OR5AS1: variants seen among roughly 807,000 people sequenced by gnomAD.
OR5AS1 encodes olfactory receptor family 5 subfamily AS member 1.
For missense variants in OR5AS1, 492 were observed against 378.2 expected (o/e 1.30, Z -2.50); for synonymous variants, 196 against 141.7 (o/e 1.38, Z -2.72).
intron 1 of OR5AS1, 92 bp from the exon 2 acceptor site, chr11:56,030,299 T>G: frequency 5.9e-6 from 3 of 506,468 alleles, no homozygotes; most frequent in Non-Finnish European, 1.0e-5. Context: ...GTGATTTTAC[T>G]GACCTTCTAT....
intron 1 of OR5AS1, among the ~76,000 whole-genome samples, chr11:56,028,176 T>C (rs1195463627): frequency 2.6e-5 from 4 of 151,996 alleles, no homozygotes; most frequent in South Asian, 2.1e-4. Flanking sequence ...ATAATCATAA[T>C]AGCATTAATA....
chr11:56,031,517 A>C lies in OR5AS1; in HGVS notation c.*124A>C. On this transcript the variant is annotated 3_prime_UTR_variant, in exon 2 of 2. Coordinates refer to ENST00000641320, the MANE Select transcript of OR5AS1 (RefSeq NM_001001921.2). ...TATACTCAGTGCATTAAAATGCTTC[A>C]TCCTCTCTTCCAAAAATGTTCTCTC... The C allele has an allele frequency of 1.4e-6, 1 of 691,942 alleles. No individual in the cohort carries two copies. Among genetic ancestry groups the C allele is most frequent in the East Asian group, 2.6e-5 (1 of 39,140 alleles). The allele number at this position is 691,942 out of a possible 1,614,324, so 42.9% of individuals were successfully genotyped here. A position where few individuals can be genotyped will look rare whatever the true frequency, so the allele number is the denominator to read the frequency against.
rs1477973928 is a variant in OR5AS1 at position 56,030,646 on chromosome 11, A to C, written c.228A>C (p.Ala76=). The change falls in exon 2 of 2, where the codon GCA becomes GCC. Residue 76 remains alanine, a synonymous_variant. Coordinates refer to ENST00000641320, the MANE Select transcript of OR5AS1 (RefSeq NM_001001921.2). ...LSFLDISCST[A]ITPKMLANFL... ...TCTTAGACATCAGCTGTTCTACAGC[A>C]ATCACTCCTAAAATGCTGGCAAACT... 6.4e-7 allele frequency: 1 copy of C among 1,573,196 alleles called. No individual in the cohort carries two copies. Among genetic ancestry groups the C allele is most frequent in the South Asian group, 1.2e-5 (1 of 84,558 alleles).
rs1459205811 is a variant in OR5AS1 at position 56,038,122 on chromosome 11, A to G, written c.*6729A>G. On this transcript the variant is annotated 3_prime_UTR_variant, in exon 2 of 2. Coordinates refer to ENST00000641320, the MANE Select transcript of OR5AS1 (RefSeq NM_001001921.2). ...TATATCTTATACAAAAATTAACTCA[A>G]GATGGATTAAAGACTTAAACATAAA... The G allele has an allele frequency of 6.6e-6, 1 of 152,192 alleles. No homozygotes were observed. The highest frequency in any genetic ancestry group is 2.4e-5 in the African/African-American group (1 of 41,412). The allele number at this position is 152,192 out of a possible 1,614,324, so 9.4% of individuals were successfully genotyped here. A position where few individuals can be genotyped will look rare whatever the true frequency, so the allele number is the denominator to read the frequency against.
chr11:56,029,977 T>A (rs1853330700), intron 1 of OR5AS1, among the ~76,000 whole-genome samples: 1 of 152,098 alleles, frequency 6.6e-6, no homozygotes, highest in Admixed American at 6.5e-5. Flanking sequence ...GGACATTCTT[T>A]CATATTTTAT....
chr11:56,031,656 A>G lies in OR5AS1; in HGVS notation c.*263A>G. The G allele has an allele frequency of 3.8e-6, 1 of 262,388 alleles. No homozygotes were observed. Among genetic ancestry groups the G allele is most frequent in the Non-Finnish European group, 7.3e-6 (1 of 137,056 alleles). The allele number at this position is 262,388 out of a possible 1,614,324, so 16.3% of individuals were successfully genotyped here. On this transcript the variant is annotated 3_prime_UTR_variant, in exon 2 of 2. Transcript: ENST00000641320. ...TCTGTTCTTTACGATGTTGTATTGAAGGTAAATATTGACTTTTCAGTCAAT... is the reference window on the plus strand; with the variant it reads ...TCTGTTCTTTACGATGTTGTATTGAGGGTAAATATTGACTTTTCAGTCAAT...
At position 56,030,519 on chromosome 11, in the gene OR5AS1, T is replaced by C; in HGVS notation, c.101T>C (p.Val34Ala). ...RVTLFLVFLL[V>A]YTLTMVGNIL... ...ACACTGTTCTTGGTATTCCTTCTGG[T>C]ATATACATTAACTATGGTCGGAAAT... is the stretch of plus-strand genomic sequence containing the variant. Residue 34 changes from valine (V) to alanine (A), a missense_variant, in exon 2 of 2, where the codon GTA (valine) becomes GCA (alanine). Coordinates refer to ENST00000641320, the MANE Select transcript of OR5AS1 (RefSeq NM_001001921.2). 2 of 1,551,842 alleles carry C rather than the reference T, an allele frequency of 1.3e-6. No homozygotes were observed. Among genetic ancestry groups the C allele is most frequent in the Non-Finnish European group, 8.7e-7 (1 of 1,146,092 alleles).
chr11:56,030,941 A>G lies in OR5AS1; in HGVS notation c.523A>G (p.Asn175Asp). 1 of 1,614,136 alleles carries G rather than the reference A, an allele frequency of 6.2e-7. No individual in the cohort carries two copies. The highest frequency in any genetic ancestry group is 8.5e-7 in the Non-Finnish European group (1 of 1,180,012). The change falls in exon 2 of 2, where the codon AAT (asparagine) becomes GAT (aspartate). Residue 175 changes from asparagine to aspartate, a missense_variant. By Grantham distance (23) the Asn-to-Asp change is conservative (BLOSUM62 1). Transcript: ENST00000641320. ...GTCATTTTGTGGCTCCAATATCGTC[A>G]ATCATTTTTTCTGTGATATCCCACC... ...RLSFCGSNIV[N>D]HFFCDIPPLL...
chr11:56,030,691 C>G lies in OR5AS1; in HGVS notation c.273C>G (p.Ser91Arg). ...CAAACTTCTTGGCATCCAGGAAAAG[C>G]ATCTCTCCTTATGGGTGTGCACTAC... ...MLANFLASRK[S>R]ISPYGCALQM... The change falls in exon 2 of 2, where the codon AGC becomes AGG. Residue 91 changes from serine (S) to arginine (R), a missense_variant. Transcript: ENST00000641320. 1 of 1,596,148 alleles carries G rather than the reference C, an allele frequency of 6.3e-7. No homozygotes were observed. The highest frequency in any genetic ancestry group is 8.6e-7 in the Non-Finnish European group (1 of 1,169,216).
chr11:56,030,190 A>G (rs1484179015), intron 1 of OR5AS1, among the ~76,000 whole-genome samples: 1 of 152,122 alleles, frequency 6.6e-6, no homozygotes, highest in East Asian at 1.9e-4. Context: ...ACCACCATCT[A>G]AATAACATTT....
intron 1 of OR5AS1, 71 bp from the exon 2 acceptor site, chr11:56,030,320 A>G: frequency 1.6e-6 from 1 of 639,840 alleles, no homozygotes; most frequent in Non-Finnish European, 2.5e-6. Flanking sequence ...TTGATTCCTT[A>G]GAAGAGAGAA....
At position 56,037,583 on chromosome 11, in the gene OR5AS1, A is replaced by G. The variant is rs898991953; in HGVS notation, c.*6190A>G. ...ATGAATGACCTCTTCAAGGAGAACT[A>G]CAAATTAGTGCTCAAGGAAATAAGA... On this transcript the variant is annotated 3_prime_UTR_variant, in exon 2 of 2. Transcript: ENST00000641320. 2.0e-5 allele frequency: 3 copies of G among 152,088 alleles called. No individual in the cohort carries two copies. The highest frequency in any genetic ancestry group is 4.4e-5 in the Non-Finnish European group (3 of 68,028). 9.4% of individuals were successfully genotyped at this position (152,088 alleles called of 1,614,324 possible).
In OR5AS1 at chr11:56,030,469, C is replaced by T. The variant is rs369680457; in HGVS notation, c.51C>T (p.Phe17=). Residue 17 remains phenylalanine (F), a synonymous_variant, in exon 2 of 2, where the codon TTC becomes TTT. Transcript: ENST00000641320. ...TMPTEFLFVG[F]TDYLPLRVTL... ...CAACTGAGTTCCTATTTGTTGGATT[C>T]ACAGATTATCTACCTCTCAGAGTCA... 3.1e-5 allele frequency: 46 copies of T among 1,493,354 alleles called. No individual in the cohort carries two copies. Among genetic ancestry groups the T allele is most frequent in the Non-Finnish European group, 3.9e-5 (44 of 1,119,774 alleles). 92.5% of individuals were successfully genotyped at this position (1,493,354 alleles called of 1,614,324 possible). A position where few individuals can be genotyped will look rare whatever the true frequency, so the allele number is the denominator to read the frequency against.
In OR5AS1 at chr11:56,036,987, A is replaced by G. The variant is rs553837489; in HGVS notation, c.*5594A>G. On this transcript the variant is annotated 3_prime_UTR_variant, in exon 2 of 2. Transcript: ENST00000641320. Reference sequence around the variant, plus strand: ...ATACGCAAATCAATAAACGTAACCCATCTCATAAACAGAACCAATGACAAA... The same window carrying G: ...ATACGCAAATCAATAAACGTAACCCGTCTCATAAACAGAACCAATGACAAA... 1.6e-4 allele frequency: 24 copies of G among 152,222 alleles called. No individual in the cohort carries two copies. Among genetic ancestry groups the G allele is most frequent in the African/African-American group, 5.8e-4 (24 of 41,500 alleles). The allele number at this position is 152,222 out of a possible 1,614,324, so 9.4% of individuals were successfully genotyped here.
In OR5AS1 at chr11:56,030,550, CTT is replaced by C; in HGVS notation, c.133_134del (p.Leu45AsnfsTer5). ...CATTAACTATGGTCGGAAATATACT[CTT>C]AATAATTCTAGTTAATATTAATTCA... ...YTLTMVGNIL[L>X]IILVNINSSL... On this transcript the variant is annotated frameshift_variant, in exon 2 of 2. Transcript: ENST00000641320. LOFTEE classifies it low-confidence loss of function (END_TRUNC). 6.4e-7 allele frequency: 1 copy of C among 1,551,954 alleles called. No homozygotes were observed. The highest frequency in any genetic ancestry group is 8.7e-7 in the Non-Finnish European group (1 of 1,144,954).
intron 1 of OR5AS1, among the ~76,000 whole-genome samples, chr11:56,030,116 C>T (rs564020255): frequency 6.6e-6 from 1 of 152,210 alleles, no homozygotes; most frequent in East Asian, 1.9e-4. Context: ...TCCCTTTCAG[C>T]TTGTAAAAAC....
At position 56,038,084 on chromosome 11, in the gene OR5AS1, T is replaced by G. The variant is rs1458892864; in HGVS notation, c.*6691T>G. ...CTAGCCATATGCAGAAAGCAGAAAC[T>G]GGACCCCTTCCTTATATCTTATACA... On this transcript the variant is annotated 3_prime_UTR_variant, in exon 2 of 2. Coordinates refer to ENST00000641320, the MANE Select transcript of OR5AS1 (RefSeq NM_001001921.2). 1 of 152,186 alleles carries G rather than the reference T, an allele frequency of 6.6e-6. No homozygotes were observed. Among genetic ancestry groups the G allele is most frequent in the African/African-American group, 2.4e-5 (1 of 41,414 alleles). The allele number at this position is 152,186 out of a possible 1,614,324, so 9.4% of individuals were successfully genotyped here. A position where few individuals can be genotyped will look rare whatever the true frequency, so the allele number is the denominator to read the frequency against.
rs1853387916 is a variant in OR5AS1 at position 56,034,794 on chromosome 11, C to A, written c.*3401C>A. The A allele has an allele frequency of 2.0e-5, 3 of 151,894 alleles. No individual in the cohort carries two copies. The highest frequency in any genetic ancestry group is 7.3e-5 in the African/African-American group (3 of 41,278). The allele number at this position is 151,894 out of a possible 1,614,324, so 9.4% of individuals were successfully genotyped here. On this transcript the variant is annotated 3_prime_UTR_variant, in exon 2 of 2. Transcript: ENST00000641320. ...AAGATACACCTCAAGAAGAGCAACC[C>A]CCAGACACATAATCATCAGATTCAC... is the stretch of plus-strand genomic sequence containing the variant.
In OR5AS1 at chr11:56,031,094, T is replaced by C; in HGVS notation, c.676T>C (p.Leu226=). ...TTACTTCTGCATCCTCATCACTGTG[T>C]TGAGCATCAAGTCCTCAGGTGGCAG... ...ISYFCILITV[L]SIKSSGGRSK... Residue 226 remains leucine (L), a synonymous_variant, in exon 2 of 2, where the codon TTG becomes CTG. Transcript: ENST00000641320. 6.2e-7 allele frequency: 1 copy of C among 1,613,984 alleles called. No individual in the cohort carries two copies. Among genetic ancestry groups the C allele is most frequent in the Non-Finnish European group, 8.5e-7 (1 of 1,179,914 alleles).
Sources: gnomAD v4.1 joint callset for allele counts (sites outside exome capture counted in the v4.1 genomes callset) on GRCh38, gnomAD v4.1.1 for gene constraint, MANE v1.5 for transcripts, NCBI Gene and HGNC (gene_info 2026-07-23, HGNC 2026-07-21) for gene names.